The following NECAB2 variants were observed in gnomAD, a reference collection of about 807,000 sequenced individuals.
The protein encoded by NECAB2 is N-terminal EF-hand calcium binding protein 2.
NECAB2 carries 68 observed loss-of-function variants against 51.9 expected under a neutral mutation model. The ratio of observed to expected loss-of-function variants is 1.31; its 90% CI spans 1.08 to 1.60. NECAB2 has a LOEUF of 1.60. NECAB2 is among the 40% of genes most tolerant of loss of function. NECAB2 has a pLI of 0.00. For missense variants in NECAB2, 854 were observed against 490.3 expected, an observed-to-expected ratio of 1.74 and a Z score of -7.00; for synonymous variants, 329 against 203.5, an observed-to-expected ratio of 1.62 and a Z score of -5.25.
chr16:83,972,800 G>A (rs530016722), intron 2 of NECAB2, among the ~76,000 whole-genome samples: 84 of 152,300 alleles, frequency 5.5e-4, no homozygotes, highest in African/African-American at 1.8e-3. Flanking sequence ...CACTTCTCCC[G>A]ACTCCTTGGA....
At chr16:83,994,471 A>C (rs898529844) in intron 7 of NECAB2, 51 bp downstream of exon 7, 5 of 1,599,448 alleles carry the variant, frequency 3.1e-6, no homozygotes, top group Non-Finnish European at 4.3e-6. Context: ...GGTCCCGAGG[A>C]GTTCTGAGAG....
upstream of NECAB2, chr16:83,965,468 G>T: frequency 6.2e-7 from 1 of 1,604,246 alleles, no homozygotes; most frequent in Non-Finnish European, 8.5e-7. Flanking sequence ...GTCAGCGGCC[G>T]ACGCGGTCCT....
intron 2 of NECAB2, among the ~76,000 whole-genome samples, chr16:83,976,119 A>T (rs1241715942): frequency 6.6e-6 from 1 of 152,170 alleles, no homozygotes; most frequent in African/African-American, 2.4e-5. Context: ...GAGATGAGCC[A>T]GCCAGAGGGA....
Position 83,978,513 on chromosome 16 carries a change from T to G in NECAB2, c.296T>G (p.Leu99Arg). 6.2e-7 allele frequency: 1 copy of G among 1,613,948 alleles called. No individual in the cohort carries two copies. Residue 99 changes from leucine (L) to arginine (R), a missense_variant, in exon 3 of 13, where the codon CTG (leucine) becomes CGG (arginine). By Grantham distance (102) the Leu-to-Arg change is moderately radical. Coordinates refer to ENST00000305202, the MANE Select transcript of NECAB2 (RefSeq NM_019065.3). ...GATGGCGTCCTTAATGAGAAAGAAC[T>G]GGAGGATCTCTTTCACACGATTGAC... ...FADGVLNEKE[L>R]EDLFHTIDSD...
upstream of NECAB2, chr16:83,965,975 C>T (rs2084276009): frequency 1.3e-6 from 2 of 1,599,618 alleles, no homozygotes; most frequent in East Asian, 2.3e-5. Context: ...GGCCAGCTCC[C>T]TGCTAAGGAA....
In NECAB2 at chr16:83,994,332, G is replaced by T; in HGVS notation, c.627G>T (p.Ala209=). The part of the protein sequence containing the change: ...RQNHIKPSHS[A]AQTWCGSPTP... ...ACCACATCAAACCCAGCCACAGCGC[G>T]GCACAGACCTGGTGTGGAAGCCCCA... The change falls in exon 7 of 13, where the codon GCG becomes GCT. Residue 209 remains alanine, a synonymous_variant. Coordinates refer to ENST00000305202, the MANE Select transcript of NECAB2 (RefSeq NM_019065.3). The T allele has an allele frequency of 6.2e-7, 1 of 1,614,182 alleles. No individual in the cohort carries two copies. The highest frequency in any genetic ancestry group is 8.5e-7 in the Non-Finnish European group (1 of 1,180,036).
At chr16:83,998,871 C>G (rs757986320) in intron 10 of NECAB2, among the ~76,000 whole-genome samples, 1 of 152,210 alleles carries the variant, frequency 6.6e-6, no homozygotes, top group Non-Finnish European at 1.5e-5. Flanking sequence ...GTTCATCCCA[C>G]CAGGCTGATG....
intron 5 of NECAB2, among the ~76,000 whole-genome samples, chr16:83,983,263 C>T (rs1028345390): frequency 2.0e-5 from 3 of 152,174 alleles, no homozygotes; most frequent in African/African-American, 7.2e-5. Context: ...TGTTTGCTTT[C>T]GTCAAGCCGC....
At chr16:84,000,110 T>C (rs1315015255) in intron 10 of NECAB2, among the ~76,000 whole-genome samples, 4 of 152,100 alleles carry the variant, frequency 2.6e-5, no homozygotes, top group Admixed American at 1.3e-4. Flanking sequence ...TAGGCTGGTC[T>C]TGAACTCCTG....
At chr16:83,982,873 C>G (rs2084506565) in intron 5 of NECAB2, among the ~76,000 whole-genome samples, 1 of 150,126 alleles carries the variant, frequency 6.7e-6, no homozygotes, top group African/African-American at 2.5e-5. Context: ...TTTTCTTTTT[C>G]TTTTTCTTTT....
At position 83,994,385 on chromosome 16, in the gene NECAB2, T is replaced by A; in HGVS notation, c.680T>A (p.Leu227His). The A allele has an allele frequency of 6.2e-7, 1 of 1,614,080 alleles. No homozygotes were observed. Among genetic ancestry groups the A allele is most frequent in the South Asian group, 1.1e-5 (1 of 91,078 alleles). Residue 227 changes from leucine (L) to histidine (H), a missense_variant, in exon 7 of 13, where the codon CTC becomes CAC. Coordinates refer to ENST00000305202, the MANE Select transcript of NECAB2 (RefSeq NM_019065.3). ...CCCGCCTCTGCCCCCAACCACAAGC[T>A]CATGGCTATGGAACAAGGCAAGACC... is the stretch of plus-strand genomic sequence containing the variant. Reference protein sequence around the residue: ...PTPASAPNHKLMAMEQGKTLP... With the variant: ...PTPASAPNHKHMAMEQGKTLP...
chr16:83,990,134 C>G (rs1351244968), intron 5 of NECAB2, among the ~76,000 whole-genome samples: 3 of 152,222 alleles, frequency 2.0e-5, no homozygotes, highest in African/African-American at 7.2e-5. Flanking sequence ...GTAGCACCTA[C>G]TGTTGATTGA....
At chr16:83,999,980 G>A (rs1201262026) in intron 10 of NECAB2, among the ~76,000 whole-genome samples, 2 of 152,196 alleles carry the variant, frequency 1.3e-5, no homozygotes, top group Non-Finnish European at 2.9e-5. Context: ...TCTCACCAGA[G>A]GGTTTAAATG....
intron 8 of NECAB2, among the ~76,000 whole-genome samples, chr16:83,995,047 G>A (rs956918550): frequency 3.9e-5 from 6 of 152,300 alleles, no homozygotes; most frequent in South Asian, 2.1e-4. Context: ...GATATTGGCC[G>A]AAAGGCAGCA....
At chr16:83,995,748 G>GAGAC (rs2151098447) in intron 8 of NECAB2, among the ~76,000 whole-genome samples, 1 of 152,296 alleles carries the variant, frequency 6.6e-6, no homozygotes, top group African/African-American at 2.4e-5. Context: ...CGCATGGAGG[G>GAGAC]AGACAGAGGC....
intron 1 of NECAB2, among the ~76,000 whole-genome samples, chr16:83,969,172 C>T (rs1319507682): frequency 6.6e-6 from 1 of 151,466 alleles, no homozygotes; most frequent in South Asian, 2.1e-4. Flanking sequence ...CCAAGCCAAA[C>T]CCCCACCCTT....
At chr16:83,999,154 G>C (rs2084770779) in intron 10 of NECAB2, among the ~76,000 whole-genome samples, 1 of 152,318 alleles carries the variant, frequency 6.6e-6, no homozygotes, top group African/African-American at 2.4e-5. Context: ...ACTGAGGCTT[G>C]AGTGACAACA....
chr16:83,965,723 GAGA>G, upstream of NECAB2: 1 of 1,613,662 alleles, frequency 6.2e-7, no homozygotes, highest in South Asian at 1.1e-5. Flanking sequence ...CGAGGGTGTC[GAGA>G]AGGTGTTTGG....
In NECAB2 at chr16:84,001,749, G is replaced by C. The variant is rs1567682175; in HGVS notation, c.1041-76G>C. 7 of 1,521,498 alleles carry C rather than the reference G, an allele frequency of 4.6e-6. No individual in the cohort carries two copies. The African/African-American group carries it at 7.0e-5, about 15-fold the overall frequency. The allele number at this position is 1,521,498 out of a possible 1,614,324, so 94.2% of individuals were successfully genotyped here. On this transcript the variant is annotated intron_variant, in intron 11 of 12. Transcript: ENST00000305202. The stretch of plus-strand genomic sequence containing the variant: ...GATAAGCTCCCCATTTTGGGCTAGA[G>C]CTAGGATTAACAGGGGAGCCACACG...
Sources: gnomAD v4.1 joint callset for allele counts (sites outside exome capture counted in the v4.1 genomes callset) on GRCh38, gnomAD v4.1.1 for gene constraint, MANE v1.5 for transcripts, NCBI Gene and HGNC (gene_info 2026-07-23, HGNC 2026-07-21) for gene names.